CBFA2T3: variants seen among roughly 807,000 people sequenced by gnomAD.
CBFA2T3 encodes CBFA2/RUNX1 partner transcriptional co-repressor 3, also known as transcriptional corepressor CBFA2T3.
Under a neutral mutation model 58.6 loss-of-function variants are expected in CBFA2T3, and 31 were observed. The ratio of observed to expected loss-of-function variants is 0.53; its 90% CI spans 0.40 to 0.71. The LOEUF is 0.71. CBFA2T3 is among the 30% of genes least tolerant of loss of function. CBFA2T3 has a pLI of 0.00. For missense variants in CBFA2T3, 1,076 were observed against 963.1 expected (o/e 1.12, Z -1.55); for synonymous variants, 531 against 421.9 (o/e 1.26, Z -3.17).
chr16:88,974,199 C>T (rs1972730193), intron 1 of CBFA2T3, among the ~76,000 whole-genome samples: 1 of 152,196 alleles, frequency 6.6e-6, no homozygotes, highest in East Asian at 1.9e-4. Context: ...ACCTCCGCCT[C>T]TTCTTCTGCA....
intron 1 of CBFA2T3, among the ~76,000 whole-genome samples, chr16:88,973,587 G>C (rs773277367): frequency 1.3e-5 from 2 of 152,028 alleles, no homozygotes; most frequent in Admixed American, 6.6e-5. Flanking sequence ...AGAATATTCC[G>C]GACCCAGAAC....
At chr16:88,922,224 CCACAGAAACTGTTCT>C in intron 1 of CBFA2T3, among the ~76,000 whole-genome samples, 1 of 151,782 alleles carries the variant, frequency 6.6e-6, no homozygotes, top group East Asian at 1.9e-4. Context: ...AAAACAGCCC[CCACAGAAACTGTTCT>C]CACCCTAGGT....
chr16:88,939,829 C>A (rs1177246683), intron 1 of CBFA2T3: 2 of 152,372 alleles, frequency 1.3e-5, no homozygotes, highest in East Asian at 3.9e-4. Context: ...CGCGCTCAGG[C>A]CCAGCCCTCG....
chr16:88,927,613 T>A (rs1381997411), intron 1 of CBFA2T3, among the ~76,000 whole-genome samples: 1 of 152,080 alleles, frequency 6.6e-6, no homozygotes, highest in Admixed American at 6.5e-5. Context: ...GGTGATAATC[T>A]CCGGGCTGCT....
At chr16:88,905,941 G>C (rs1970311570) in intron 1 of CBFA2T3, among the ~76,000 whole-genome samples, 1 of 146,036 alleles carries the variant, frequency 6.8e-6, no homozygotes, top group African/African-American at 2.8e-5. Context: ...AGGCACCGTG[G>C]GTCCACCCCA....
rs116547555 is a variant in CBFA2T3, at chr16:88,975,523, C to T, written c.151+1134G>A. On this transcript the variant is annotated intron_variant, in intron 1 of 11. Transcript: ENST00000268679. ...AAGCACCCGGCCCAAGGCCACTCAG[C>T]GCCAGGGGATAGACAGGGCCGCTCC... 1.7e-3 allele frequency among the ~76,000 whole-genome samples: 258 copies of T among 152,380 alleles called. 1 individual carries two copies. Among genetic ancestry groups the T allele is most frequent in the African/African-American group, 5.7e-3 (238 of 41,596 alleles).
intron 1 of CBFA2T3, among the ~76,000 whole-genome samples, chr16:88,933,806 T>C (rs544072578): frequency 6.6e-6 from 1 of 152,232 alleles, no homozygotes; most frequent in Non-Finnish European, 1.5e-5. Context: ...TAGTGGCCAC[T>C]TCATGCCACG....
At chr16:88,917,651 G>C (rs919048121) in intron 1 of CBFA2T3, among the ~76,000 whole-genome samples, 1 of 152,194 alleles carries the variant, frequency 6.6e-6, no homozygotes, top group African/African-American at 2.4e-5. Context: ...AGCCACTGCC[G>C]GTGTGGACGC....
At chr16:88,973,714 G>A (rs1430725792) in intron 1 of CBFA2T3, among the ~76,000 whole-genome samples, 1 of 152,206 alleles carries the variant, frequency 6.6e-6, no homozygotes, top group Non-Finnish European at 1.5e-5. Context: ...GGAGGATGGA[G>A]AGTGAGTGGT....
At chr16:88,929,373 C>A (rs1014647037) in intron 1 of CBFA2T3, among the ~76,000 whole-genome samples, 1 of 152,240 alleles carries the variant, frequency 6.6e-6, no homozygotes, top group Non-Finnish European at 1.5e-5. Context: ...CCGGTGACAG[C>A]AAGGCCAAGC....
At chr16:88,948,869 A>G (rs1020183314) in intron 1 of CBFA2T3, among the ~76,000 whole-genome samples, 1 of 152,328 alleles carries the variant, frequency 6.6e-6, no homozygotes, top group South Asian at 2.1e-4. Flanking sequence ...CAGGCCAAGC[A>G]CAAACAGTTG....
Position 88,880,709 on chromosome 16 carries a change from C to A in CBFA2T3, c.1471+11G>T. ...CAGCTCTGCTGGCCAGGCCCCTGCA[C>A]CCCCACTCACCAGCCTTCCTCCAGA... On this transcript the variant is annotated intron_variant, in intron 10 of 11. Coordinates refer to ENST00000268679, the MANE Select transcript of CBFA2T3 (RefSeq NM_005187.6). 1 of 1,552,198 alleles carries A rather than the reference C, an allele frequency of 6.4e-7. No individual in the cohort carries two copies. The highest frequency in any genetic ancestry group is 1.9e-5 in the Admixed American group (1 of 52,548).
intron 1 of CBFA2T3, among the ~76,000 whole-genome samples, chr16:88,973,136 C>T (rs1972698893): frequency 6.6e-6 from 1 of 152,238 alleles, no homozygotes; most frequent in Admixed American, 6.5e-5. Flanking sequence ...TCCCACCGCG[C>T]CCCCTTGATG....
At chr16:88,897,391 G>A (rs895306134) in intron 3 of CBFA2T3, among the ~76,000 whole-genome samples, 2 of 152,256 alleles carry the variant, frequency 1.3e-5, no homozygotes, top group Admixed American at 6.5e-5. Context: ...GTGATGGACC[G>A]GAGTCTGTCT....
At chr16:88,967,202 G>T (rs1225851380) in intron 1 of CBFA2T3, among the ~76,000 whole-genome samples, 1 of 115,000 alleles carries the variant, frequency 8.7e-6, no homozygotes, top group Non-Finnish European at 1.9e-5. Flanking sequence ...CCGACACGAG[G>T]CAGCGCCATG....
At chr16:88,950,540 C>T (rs1201753092) in intron 1 of CBFA2T3, 1 of 423,820 alleles carries the variant, frequency 2.4e-6, no homozygotes, top group Non-Finnish European at 4.7e-6. Flanking sequence ...GTTCACCCGT[C>T]CCCTGGACCG....
intron 2 of CBFA2T3, 82 bp from the exon 3 acceptor site, chr16:88,898,234 T>C: frequency 9.5e-7 from 1 of 1,053,174 alleles, no homozygotes; most frequent in Admixed American, 1.7e-5. Context: ...GCGGCCACCT[T>C]TTCCTACTTC....
intron 1 of CBFA2T3, chr16:88,941,082 A>T (rs1034206182): frequency 1.0e-6 from 1 of 984,162 alleles, no homozygotes; most frequent in African/African-American, 1.8e-5. Flanking sequence ...TCGGTCCGGG[A>T]GTCGCTGCTC....
intron 1 of CBFA2T3, among the ~76,000 whole-genome samples, chr16:88,908,629 C>A (rs930326979): frequency 6.6e-6 from 1 of 152,184 alleles, no homozygotes; most frequent in African/African-American, 2.4e-5. Flanking sequence ...CCTGGGAGTT[C>A]CAGAACTCTC....
Sources: gnomAD v4.1 joint callset for allele counts (sites outside exome capture counted in the v4.1 genomes callset) on GRCh38, gnomAD v4.1.1 for gene constraint, MANE v1.5 for transcripts, NCBI Gene and HGNC (gene_info 2026-07-23, HGNC 2026-07-21) for gene names.